Variants in MOK observed in about 807,000 individuals in gnomAD.
MOK encodes the protein MOK protein kinase, also known as MAPK/MAK/MRK overlapping kinase.
A neutral mutation model predicts 54.2 loss-of-function variants in MOK; 59 were observed. The ratio of observed to expected loss-of-function variants is 1.09; its 90% confidence interval spans 0.88 to 1.35. The LOEUF is 1.35. MOK is among the 40% of genes most tolerant of loss of function. The pLI is 0.00. For missense variants in MOK, 517 were observed against 526.2 expected (o/e 0.98, Z 0.17); for synonymous variants, 210 against 202.7 (o/e 1.04, Z -0.31).
chr14:102,276,493 TAATTA>T (rs942290358), intron 2 of MOK, among the ~76,000 whole-genome samples: 1 of 151,598 alleles, frequency 6.6e-6, no homozygotes, highest in African/African-American at 2.4e-5. Flanking sequence ...ATAAATTAAT[TAATTA>T]AATTAAATAA....
intron 6 of MOK, chr14:102,251,451 C>G (rs78384340): frequency 0.032 from 15,271 of 471,544 alleles, 338 homozygotes; most frequent in Non-Finnish European, 0.043. Context: ...GACCTGAGCT[C>G]AAATCCTGCC....
At chr14:102,227,218 ACACT>A (rs2064285795), downstream of MOK, among the ~76,000 whole-genome samples, 1 of 152,124 alleles carries the variant, frequency 6.6e-6, no homozygotes, top group Admixed American at 6.5e-5. Context: ...TCCCAAGTAC[ACACT>A]CAATCCGTTA....
chr14:102,289,311 A>G (rs1029047975), intron 1 of MOK, among the ~76,000 whole-genome samples: 2 of 152,180 alleles, frequency 1.3e-5, no homozygotes, highest in African/African-American at 4.8e-5. Flanking sequence ...GATACACAGT[A>G]AAAGTATATA....
At position 102,265,924 on chromosome 14, in the gene MOK, G is replaced by A. The variant is rs2067870262; in HGVS notation, c.123-12C>T. 2 of 1,595,980 alleles carry A rather than the reference G, an allele frequency of 1.3e-6. No homozygotes were observed. The highest frequency in any genetic ancestry group is 1.7e-6 in the Non-Finnish European group (2 of 1,165,770). On this transcript the variant is annotated splice_polypyrimidine_tract_variant and intron_variant, in intron 2 of 11. Transcript: ENST00000361847. ...TGACTTGCTCAATACTATCGTGTAG[G>A]TAAAAATGGATAGCTCATTCACAGT...
At chr14:102,277,259 A>C (rs1001415456) in intron 2 of MOK, 1 of 152,106 alleles carries the variant, frequency 6.6e-6, no homozygotes, top group Non-Finnish European at 1.5e-5. Flanking sequence ...CAAAAAGTCC[A>C]TTAACAGGAA....
intron 1 of MOK, among the ~76,000 whole-genome samples, chr14:102,294,433 G>C (rs141101579): frequency 6.8e-6 from 1 of 147,626 alleles, no homozygotes; most frequent in South Asian, 2.1e-4. Context: ...GTGATAGAGC[G>C]AGACTCCGTC....
chr14:102,241,793 C>T (rs2065739915), intron 7 of MOK, among the ~76,000 whole-genome samples: 1 of 152,234 alleles, frequency 6.6e-6, no homozygotes, highest in Non-Finnish European at 1.5e-5. Flanking sequence ...ATTCCTGCCT[C>T]CACTGTGAGA....
chr14:102,279,114 T>C (rs2069159051), intron 2 of MOK, among the ~76,000 whole-genome samples: 1 of 152,196 alleles, frequency 6.6e-6, no homozygotes, highest in Non-Finnish European at 1.5e-5. Flanking sequence ...GAGTCAGAGC[T>C]GGTAACCCTA....
At chr14:102,304,674 C>A (rs1322212364) in intron 1 of MOK, among the ~76,000 whole-genome samples, 1 of 152,232 alleles carries the variant, frequency 6.6e-6, no homozygotes, top group East Asian at 1.9e-4. Context: ...AATGTAAGAA[C>A]CACGCACCTG....
At chr14:102,255,136 G>A (rs894634153) in intron 4 of MOK, among the ~76,000 whole-genome samples, 7 of 152,084 alleles carry the variant, frequency 4.6e-5, no homozygotes, top group Non-Finnish European at 8.8e-5. Context: ...TGGCTAACAC[G>A]GTGAAGCCCC....
chr14:102,262,279 G>A (rs1299427919), intron 4 of MOK, among the ~76,000 whole-genome samples: 3 of 150,764 alleles, frequency 2.0e-5, no homozygotes, highest in African/African-American at 5.0e-5. Flanking sequence ...CTGAGTAGGT[G>A]GGACTACAGG....
Position 102,245,090 on chromosome 14 carries a change from CCTTCT to C in MOK, c.590+5717_590+5721del, listed in dbSNP as rs2065990446. 6.6e-6 allele frequency among the ~76,000 whole-genome samples: 1 copy of C among 152,156 alleles called. No homozygotes were observed. Among genetic ancestry groups the C allele is most frequent in the South Asian group, 2.1e-4 (1 of 4,828 alleles). On this transcript the variant is annotated intron_variant, in intron 7 of 11. Transcript: ENST00000361847. This position sits in a 1 kb window ranked among gnomAD's most constrained non-coding sequence, Gnocchi z 4.3. ...TTAGTCCTTTAATACCTGTTTTTCT[CCTTCT>C]CTTATTTGGACCTTGTGTCTTCCGT...
chr14:102,296,309 T>G (rs1056116139), intron 1 of MOK, among the ~76,000 whole-genome samples: 2 of 150,912 alleles, frequency 1.3e-5, no homozygotes, highest in African/African-American at 4.9e-5. Flanking sequence ...AGCATCTTCA[T>G]AGATGCATCA....
In MOK at chr14:102,231,447, C is replaced by T. The variant is rs79483309; in HGVS notation, c.981+260G>A. ...AGACACAAAAGTTCATGCAAACATC[C>T]CCTCTCTGGGCCTGCTCACATGGGA... On this transcript the variant is annotated intron_variant, in intron 10 of 11. Transcript: ENST00000361847. This position sits in a 1 kb window ranked among gnomAD's most constrained non-coding sequence, Gnocchi z 4.4. 17,522 of 400,610 alleles carry T rather than the reference C, an allele frequency of 0.044. 536 individuals are homozygous for T. The highest frequency in any genetic ancestry group is 0.11 in the African/African-American group (5,385 of 49,196). 24.8% of individuals were successfully genotyped at this position (400,610 alleles called of 1,614,324 possible).
Position 102,231,563 on chromosome 14 carries a change from C to T in MOK, c.981+144G>A, listed in dbSNP as rs1028174365. 3.0e-6 allele frequency: 2 copies of T among 673,082 alleles called. No homozygotes were observed. The highest frequency in any genetic ancestry group is 5.2e-6 in the Non-Finnish European group (2 of 382,012). 41.7% of individuals were successfully genotyped at this position (673,082 alleles called of 1,614,324 possible). A position where few individuals can be genotyped will look rare whatever the true frequency, so the allele number is the denominator to read the frequency against. On this transcript the variant is annotated intron_variant, in intron 10 of 11. Coordinates refer to ENST00000361847, the MANE Select transcript of MOK (RefSeq NM_014226.3). The surrounding 1 kb of genome is among the most constrained non-coding windows in gnomAD (Gnocchi z 4.4). ...ATGTCCCAACACATGGAGCCATCAA[C>T]TCGCATGCTGTTCAGGCCTCGACTG...
chr14:102,287,820 A>ATTTTT (rs71116893), intron 1 of MOK, among the ~76,000 whole-genome samples: 3 of 117,928 alleles, frequency 2.5e-5, no homozygotes, highest in Admixed American at 8.9e-5. Flanking sequence ...GTTCTTTGAG[A>ATTTTT]TTTTTTTTTT....
intron 1 of MOK, among the ~76,000 whole-genome samples, chr14:102,292,674 C>T (rs892649944): frequency 6.6e-6 from 1 of 151,684 alleles, no homozygotes; most frequent in East Asian, 1.9e-4. Flanking sequence ...ACCTTCTCCT[C>T]ATAAAGCCAT....
Position 102,294,173 on chromosome 14 carries a change from G to A in MOK, c.8-10581C>T, listed in dbSNP as rs566643383. On this transcript the variant is annotated intron_variant, in intron 1 of 11. Coordinates refer to ENST00000361847, the MANE Select transcript of MOK (RefSeq NM_014226.3). ...AAAAATTAGCCAGGTGAGGCCGGGT[G>A]CGGTGGCTCATGCCTGTAATCCCAG... Among the ~76,000 whole-genome samples the A allele has an allele frequency of 6.6e-4, 100 of 151,394 alleles. 1 individual carries two copies. Among genetic ancestry groups the A allele is most frequent in the African/African-American group, 1.9e-3 (76 of 40,698 alleles).
chr14:102,226,394 C>T, downstream of MOK: 7 of 703,106 alleles, frequency 1.0e-5, no homozygotes, highest in South Asian at 3.0e-5. This position sits in a 1 kb window ranked among gnomAD's most constrained non-coding sequence, Gnocchi z 4.8. Context: ...CTCATCCTCG[C>T]TTCCGTTCTG....
Sources: allele counts gnomAD v4.1 joint callset (sites outside exome capture counted in the v4.1 genomes callset), GRCh38; gene constraint gnomAD v4.1.1; non-coding constraint Gnocchi (gnomAD v3.1); transcripts MANE v1.5; gene names NCBI Gene and HGNC (gene_info 2026-07-23, HGNC 2026-07-21).